Variants in NAA25 observed in about 807,000 individuals in gnomAD.
NAA25 encodes the protein N-alpha-acetyltransferase 25, NatB auxiliary subunit, also known as N-terminal acetyltransferase B complex subunit NAA25.
A neutral mutation model predicts 132.5 loss-of-function variants in NAA25; 30 were observed. The ratio of observed to expected loss-of-function variants is 0.23; its 90% CI spans 0.17 to 0.31. The LOEUF (loss-of-function observed/expected upper bound fraction) is 0.31, where lower values mean the gene tolerates loss of function less well. Ranked by LOEUF, NAA25 falls within the 10% of genes least tolerant of loss-of-function variation. The pLI is 1.00. For missense variants in NAA25, 771 were observed against 1,150.4 expected, an observed-to-expected ratio of 0.67 and a Z score of 4.77; for synonymous variants, 359 against 401.9, an observed-to-expected ratio of 0.89 and a Z score of 1.28.
At chr12:112,072,341 C>T (rs746479263) in intron 9 of NAA25, among the ~76,000 whole-genome samples, 1 of 152,178 alleles carries the variant, frequency 6.6e-6, no homozygotes. Flanking sequence ...GGCGTGGTGG[C>T]TCACGCCTGT....
chr12:112,093,967 G>A (rs575682884), intron 1 of NAA25, among the ~76,000 whole-genome samples: 1 of 151,582 alleles, frequency 6.6e-6, no homozygotes, highest in South Asian at 2.1e-4. Context: ...TGGCTAGGAC[G>A]GTCAAGAATA....
At chr12:112,091,436 C>A (rs1017117168) in intron 2 of NAA25, among the ~76,000 whole-genome samples, 5 of 151,872 alleles carry the variant, frequency 3.3e-5, no homozygotes, top group African/African-American at 1.2e-4. Context: ...CGAATGTAAC[C>A]CCAGCACTTT....
At chr12:112,099,578 C>T (rs1266714426) in intron 1 of NAA25, among the ~76,000 whole-genome samples, 1 of 152,088 alleles carries the variant, frequency 6.6e-6, no homozygotes, top group East Asian at 1.9e-4. Context: ...TGGGATAAAT[C>T]ATTGGCAAGA....
At chr12:112,055,072 T>C (rs914754189) in intron 13 of NAA25, among the ~76,000 whole-genome samples, 1 of 152,188 alleles carries the variant, frequency 6.6e-6, no homozygotes, top group Non-Finnish European at 1.5e-5. Flanking sequence ...TTTCAAAAGG[T>C]ACATGTATCT....
At chr12:112,102,508 G>A (rs1362920031) in intron 1 of NAA25, among the ~76,000 whole-genome samples, 1 of 152,156 alleles carries the variant, frequency 6.6e-6, no homozygotes, top group Non-Finnish European at 1.5e-5. Flanking sequence ...TAAAAGTCTA[G>A]GTCAGGGTTT....
At chr12:112,053,433 T>C (rs1480701343) in intron 15 of NAA25, 125 bp downstream of exon 15, 3 of 702,032 alleles carry the variant, frequency 4.3e-6, no homozygotes, top group Non-Finnish European at 7.6e-6. Flanking sequence ...AGCTTTGGTC[T>C]AAGGGCACTT....
At chr12:112,069,857 G>A (rs71465822) in intron 10 of NAA25, among the ~76,000 whole-genome samples, 1 of 151,892 alleles carries the variant, frequency 6.6e-6, no homozygotes, top group Non-Finnish European at 1.5e-5. Context: ...GCCGGGTGCA[G>A]TGGCTCATGT....
intron 10 of NAA25, among the ~76,000 whole-genome samples, chr12:112,070,019 T>C (rs755937612): frequency 6.6e-6 from 1 of 151,908 alleles, no homozygotes; most frequent in Non-Finnish European, 1.5e-5. Context: ...TCCCAGCTAC[T>C]TGGGAGGCTG....
chr12:112,037,459 C>A (rs60007060), intron 22 of NAA25: 2,113 of 147,346 alleles, frequency 0.014, 58 homozygotes, highest in African/African-American at 0.05. Context: ...ATAACTAATT[C>A]AGGCGCTGAA....
At chr12:112,089,270 C>A (rs1024941645) in intron 3 of NAA25, among the ~76,000 whole-genome samples, 1 of 152,030 alleles carries the variant, frequency 6.6e-6, no homozygotes, top group African/African-American at 2.4e-5. Flanking sequence ...GTTACAAATA[C>A]CAAATGTTAC....
In NAA25 at chr12:112,039,259, T is replaced by G. The variant is rs920881633; in HGVS notation, c.2619A>C (p.Lys873Asn). 1.2e-6 allele frequency: 2 copies of G among 1,605,302 alleles called. No homozygotes were observed. Among genetic ancestry groups the G allele is most frequent in the African/African-American group, 1.3e-5 (1 of 74,268 alleles). The change falls in exon 22 of 24, where the codon AAA becomes AAC. Residue 873 changes from lysine (K) to asparagine (N), a missense_variant. Lys to Asn is a moderately conservative substitution (Grantham distance 94). Transcript: ENST00000261745. Reference protein sequence around the residue: ...RPYKLNLQKKKKKKKETSIIM... With the variant: ...RPYKLNLQKKNKKKKETSIIM... ...TGATGCTGGTTTCTTTTTTCTTCTT[T>G]TTCTTTTTCTGTAAATTTAGTTTGT...
chr12:112,068,166 G>T (rs1193272989), intron 11 of NAA25, among the ~76,000 whole-genome samples: 1 of 152,154 alleles, frequency 6.6e-6, no homozygotes, highest in Non-Finnish European at 1.5e-5. Context: ...AGTCTCCCAA[G>T]TAGCTGGGGA....
chr12:112,068,766 T>C lies in NAA25; in HGVS notation c.1149+114A>G, dbSNP rs757196230. ...ACTTAGCTTGACAGGGCAGTTATCA[T>C]TGTATCTCATGATTATCAATTCCGC... On this transcript the variant is annotated intron_variant, in intron 11 of 23. Coordinates refer to ENST00000261745, the MANE Select transcript of NAA25 (RefSeq NM_024953.4). 1.7e-4 allele frequency: 102 copies of C among 617,608 alleles called. No individual in the cohort carries two copies. In the Admixed American group the frequency reaches 2.8e-3, roughly 17 times the overall value. The allele number at this position is 617,608 out of a possible 1,614,324, so 38.3% of individuals were successfully genotyped here.
At chr12:112,083,838 C>T (rs868774411) in intron 4 of NAA25, among the ~76,000 whole-genome samples, 1 of 152,068 alleles carries the variant, frequency 6.6e-6, no homozygotes, top group Non-Finnish European at 1.5e-5. Flanking sequence ...AATTCAAGAC[C>T]AGCCTGGGAA....
intron 1 of NAA25, among the ~76,000 whole-genome samples, chr12:112,099,446 T>C (rs2079260203): frequency 6.6e-6 from 1 of 152,116 alleles, no homozygotes. Flanking sequence ...AATATAATTA[T>C]AAAATAAATT....
chr12:112,087,636 C>T (rs1325874085), intron 4 of NAA25, 47 bp downstream of exon 4: 1 of 1,316,038 alleles, frequency 7.6e-7, no homozygotes, highest in Non-Finnish European at 1.1e-6. Context: ...AGACTTTTGC[C>T]TCTAATAGTA....
chr12:112,064,194 T>A (rs1016847192), intron 11 of NAA25: 1 of 152,282 alleles, frequency 6.6e-6, no homozygotes, highest in Non-Finnish European at 1.5e-5. Context: ...TTCATAATTT[T>A]AACAAACTGC....
rs1056486589 is a variant in NAA25 at position 112,082,699 on chromosome 12, G to C, written c.403-1565C>G. On this transcript the variant is annotated intron_variant, in intron 4 of 23. Transcript: ENST00000261745. ...CCTCTTCTTTCTTTAAGGGAAAGTA[G>C]AGAGGAGAACATTATCATTAAAGCC... 2.0e-5 allele frequency among the ~76,000 whole-genome samples: 3 copies of C among 148,530 alleles called. No individual in the cohort carries two copies. In the East Asian group the frequency reaches 5.9e-4, roughly 29 times the overall value.
intron 1 of NAA25, among the ~76,000 whole-genome samples, chr12:112,106,723 G>A (rs2079366103): frequency 6.6e-6 from 1 of 152,012 alleles, no homozygotes; most frequent in Non-Finnish European, 1.5e-5. Context: ...CTGGGAGGCT[G>A]AGGCAGGACT....
Sources: allele counts gnomAD v4.1 joint callset (sites outside exome capture counted in the v4.1 genomes callset), GRCh38; gene constraint gnomAD v4.1.1; transcripts MANE v1.5; gene names NCBI Gene and HGNC (gene_info 2026-07-23, HGNC 2026-07-21).